The following SPAG9 variants were observed in gnomAD, a reference collection of about 807,000 sequenced individuals.
SPAG9 encodes sperm associated antigen 9, also known as C-Jun-amino-terminal kinase-interacting protein 4.
A neutral mutation model predicts 166.5 loss-of-function variants in SPAG9; 35 were observed. The observed-to-expected ratio is 0.21, with a 90% CI of 0.16 to 0.28. SPAG9 has a LOEUF of 0.28. SPAG9 is among the 10% of genes least tolerant of loss of function. SPAG9 has a pLI of 1.00. For missense variants in SPAG9, 1,235 were observed against 1,603.3 expected, an observed-to-expected ratio of 0.77 and a Z score of 3.92; for synonymous variants, 534 against 565.5, an observed-to-expected ratio of 0.94 and a Z score of 0.79.
chr17:51,108,585 C>G (rs1041348765), intron 1 of SPAG9, among the ~76,000 whole-genome samples: 1 of 152,032 alleles, frequency 6.6e-6, no homozygotes, highest in Non-Finnish European at 1.5e-5. Flanking sequence ...CAACCTCAAC[C>G]TCCTGGGCTC....
At chr17:51,054,974 T>C (rs62062973) in intron 3 of SPAG9, among the ~76,000 whole-genome samples, 16,994 of 152,202 alleles carry the variant, frequency 0.11, 1,208 homozygotes, top group Non-Finnish European at 0.16. Flanking sequence ...CTAACCACAT[T>C]ATTCAAATGC....
At chr17:51,033,905 A>C (rs1232871736) in intron 5 of SPAG9, among the ~76,000 whole-genome samples, 2 of 152,244 alleles carry the variant, frequency 1.3e-5, no homozygotes. Flanking sequence ...CCTCAGATGA[A>C]GTCACATTTA....
At chr17:51,012,569 C>CAA (rs1160336768) in intron 9 of SPAG9, among the ~76,000 whole-genome samples, 2 of 129,708 alleles carry the variant, frequency 1.5e-5, no homozygotes, top group Non-Finnish European at 3.3e-5. Context: ...GACTATGTCT[C>CAA]AAAAAAAAAA....
intron 2 of SPAG9, among the ~76,000 whole-genome samples, chr17:51,067,708 TAA>T (rs59832869): frequency 5.6e-5 from 7 of 124,948 alleles, no homozygotes; most frequent in Admixed American, 8.2e-5. Flanking sequence ...TTCTGGGGAG[TAA>T]AAAAAAAAAG....
intron 11 of SPAG9, among the ~76,000 whole-genome samples, chr17:51,005,880 CAAT>C (rs1276424559): frequency 6.6e-6 from 1 of 152,146 alleles, no homozygotes; most frequent in Non-Finnish European, 1.5e-5. Context: ...AAACAAAAGA[CAAT>C]AATATTTAGA....
At chr17:51,041,008 A>G (rs2046817766) in intron 5 of SPAG9, among the ~76,000 whole-genome samples, 1 of 152,186 alleles carries the variant, frequency 6.6e-6, no homozygotes, top group Non-Finnish European at 1.5e-5. Flanking sequence ...CATATCTATA[A>G]TTAATTTACA....
At chr17:50,987,346 ATTTAT>A in intron 21 of SPAG9, 109 bp from the exon 22 acceptor site, 1 of 1,049,180 alleles carries the variant, frequency 9.5e-7, no homozygotes, top group Non-Finnish European at 1.3e-6. Flanking sequence ...TTTATTATTT[ATTTAT>A]TTTTTAGAGA....
At chr17:51,059,305 C>G (rs1460308017) in intron 2 of SPAG9, among the ~76,000 whole-genome samples, 1 of 152,098 alleles carries the variant, frequency 6.6e-6, no homozygotes, top group African/African-American at 2.4e-5. Context: ...CAGGCACTTT[C>G]CTCTGCTTGA....
intron 1 of SPAG9, among the ~76,000 whole-genome samples, chr17:51,112,557 G>C (rs1474479679): frequency 2.0e-5 from 3 of 149,728 alleles, no homozygotes; most frequent in African/African-American, 7.4e-5. Flanking sequence ...TGTAGTCCCA[G>C]CTACTCAGGA....
At chr17:51,037,252 C>T (rs542749752) in intron 5 of SPAG9, among the ~76,000 whole-genome samples, 1 of 152,050 alleles carries the variant, frequency 6.6e-6, no homozygotes, top group African/African-American at 2.4e-5. Flanking sequence ...TAGAGGCGCA[C>T]ACCACCATGC....
chr17:51,038,843 CTTGT>C (rs1441577609), intron 5 of SPAG9, among the ~76,000 whole-genome samples: 2 of 152,126 alleles, frequency 1.3e-5, no homozygotes, highest in African/African-American at 4.8e-5. Flanking sequence ...TATTTGTTTA[CTTGT>C]TTGTCGATCT....
chr17:51,100,847 G>A lies in SPAG9; in HGVS notation c.303+19507C>T, dbSNP rs369912072. On this transcript the variant is annotated intron_variant, in intron 1 of 29. Transcript: ENST00000262013. Reference sequence around the variant, plus strand: ...GGCAAGAGAATCGCTTGAACCTGGCGGGGCAGAGGTTGCGGTGAGCCAAGA... The same window carrying A: ...GGCAAGAGAATCGCTTGAACCTGGCAGGGCAGAGGTTGCGGTGAGCCAAGA... Among the ~76,000 whole-genome samples, 47 of 151,716 alleles carry A rather than the reference G, an allele frequency of 3.1e-4. No individual in the cohort carries two copies. In the South Asian group the frequency reaches 3.6e-3, roughly 11 times the overall value.
Position 50,996,558 on chromosome 17 carries a change from A to G in SPAG9, c.1968+7T>C, listed in dbSNP as rs763393194. The G allele has an allele frequency of 2.5e-6, 4 of 1,614,048 alleles. No individual in the cohort carries two copies. The South Asian group carries it at 4.4e-5, about 18-fold the overall frequency. On this transcript the variant is annotated splice_region_variant and intron_variant, in intron 16 of 29. Transcript: ENST00000262013. ...TGCTGGATGCTCTTACCACATGTGC[A>G]TATTACCTGTTTGTACTTCTGAGGC...
intron 1 of SPAG9, among the ~76,000 whole-genome samples, chr17:51,104,643 A>G (rs576429304): frequency 2.0e-3 from 304 of 152,038 alleles, no homozygotes; most frequent in Non-Finnish European, 3.1e-3. Flanking sequence ...TCTCAAAAAT[A>G]AATAAATAGG....
chr17:51,041,415 C>T, intron 5 of SPAG9, 86 bp downstream of exon 5: 1 of 1,247,774 alleles, frequency 8.0e-7, no homozygotes, highest in Non-Finnish European at 1.1e-6. Context: ...TTACATTTTA[C>T]TATACTGTGG....
chr17:51,105,747 G>C (rs977723690), intron 1 of SPAG9, among the ~76,000 whole-genome samples: 23 of 152,022 alleles, frequency 1.5e-4, no homozygotes, highest in Non-Finnish European at 2.9e-5. Context: ...GCGGGCGCCT[G>C]TAGTCCCAGC....
intron 29 of SPAG9, among the ~76,000 whole-genome samples, chr17:50,969,274 C>T (rs1010722747): frequency 5.3e-5 from 8 of 152,100 alleles, no homozygotes; most frequent in Non-Finnish European, 1.5e-5. Flanking sequence ...AAATTTCCCA[C>T]CTAAATCACC....
At chr17:51,075,917 A>C (rs2047956445) in intron 2 of SPAG9, among the ~76,000 whole-genome samples, 1 of 151,898 alleles carries the variant, frequency 6.6e-6, no homozygotes, top group African/African-American at 2.4e-5. Context: ...AACACAGTGA[A>C]GCCCTGTCTC....
At chr17:51,050,427 G>A (rs1250757884) in intron 3 of SPAG9, among the ~76,000 whole-genome samples, 1 of 152,176 alleles carries the variant, frequency 6.6e-6, no homozygotes, top group East Asian at 1.9e-4. Context: ...TCTGGTCAAT[G>A]ACTAACTTTT....
Sources: gnomAD v4.1 joint callset for allele counts (sites outside exome capture counted in the v4.1 genomes callset) on GRCh38, gnomAD v4.1.1 for gene constraint, MANE v1.5 for transcripts, NCBI Gene and HGNC (gene_info 2026-07-23, HGNC 2026-07-21) for gene names.